PMFBP1: variants seen among roughly 807,000 people sequenced by gnomAD.
PMFBP1 encodes the protein polyamine modulated factor 1 binding protein 1.
A neutral mutation model predicts 137.8 loss-of-function variants in PMFBP1; 131 were observed. That is an observed-to-expected ratio of 0.95 (90% CI 0.82 to 1.10). The LOEUF (loss-of-function observed/expected upper bound fraction) is 1.10. Among genes scored for constraint, PMFBP1 ranks in the 50% least tolerant of loss-of-function variants. The pLI is 0.00. For missense variants in PMFBP1, 1,199 were observed against 1,175.4 expected (o/e 1.02, Z -0.29); for synonymous variants, 490 against 450.4 (o/e 1.09, Z -1.11).
chr16:72,132,552 C>A (rs1191468972), intron 10 of PMFBP1, among the ~76,000 whole-genome samples, 196 bp downstream of exon 10: 1 of 152,054 alleles, frequency 6.6e-6, no homozygotes, highest in African/African-American at 2.4e-5. Flanking sequence ...GGCAGGTGAG[C>A]TTGGGAGTGG....
chr16:72,121,002 T>G (rs189628015), intron 19 of PMFBP1, among the ~76,000 whole-genome samples: 148 of 152,318 alleles, frequency 9.7e-4, no homozygotes, highest in Admixed American at 3.9e-3. Context: ...TAAAAGTTGG[T>G]TTTCTTTCAA....
chr16:72,119,411 T>TTA (rs1391430928), intron 20 of PMFBP1, 57 bp from the exon 21 acceptor site: 1 of 1,613,630 alleles, frequency 6.2e-7, no homozygotes, highest in African/African-American at 1.3e-5. Context: ...AACGAGGTGA[T>TTA]TCCTCAAGGG....
chr16:72,216,248 C>T, the PMFBP1 span, among the ~76,000 whole-genome samples: 220 of 152,232 alleles, frequency 1.4e-3, 1 homozygote, highest in Middle Eastern at 3.4e-3. Flanking sequence ...AGCTGCCCTA[C>T]GACAAGAATC....
At chr16:72,243,254 G>C in the PMFBP1 span, among the ~76,000 whole-genome samples, 1 of 152,152 alleles carries the variant, frequency 6.6e-6, no homozygotes, top group East Asian at 1.9e-4. Context: ...AATAATAATA[G>C]TGATGTTATG....
the PMFBP1 span, among the ~76,000 whole-genome samples, chr16:72,200,787 T>A: frequency 1.1e-4 from 16 of 152,174 alleles, no homozygotes; most frequent in Admixed American, 2.0e-4. Flanking sequence ...TGTAGGTGGG[T>A]GCATTTTAAA....
the PMFBP1 span, chr16:72,224,434 C>T: frequency 3.3e-5 from 5 of 152,360 alleles, no homozygotes; most frequent in East Asian, 5.8e-4. Flanking sequence ...AGCTTCTCAA[C>T]GTTGTCACCT....
Position 72,164,872 on chromosome 16 carries a change from C to T in PMFBP1, c.57G>A (p.Leu19=). 2 of 1,609,430 alleles carry T rather than the reference C, an allele frequency of 1.2e-6. No homozygotes were observed. The highest frequency in any genetic ancestry group is 1.7e-6 in the Non-Finnish European group (2 of 1,176,132). ...DREVSSLNSK[L]LSLQLDIKNL... ...TCTTGATGTCAAGTTGCAGGCTTAA[C>T]AGCTTGCTGTTCAGGCTGCTCACTT... Residue 19 remains leucine (L), a synonymous_variant, in exon 3 of 21, where the codon CTG becomes CTA. Transcript: ENST00000237353.
chr16:72,228,558 G>C, the PMFBP1 span, among the ~76,000 whole-genome samples: 8 of 152,124 alleles, frequency 5.3e-5, no homozygotes, highest in Admixed American at 3.9e-4. Context: ...TGAACTGTGA[G>C]CTCTTACAGG....
At chr16:72,126,179 T>C (rs757020081) in intron 14 of PMFBP1, 47 bp from the exon 15 acceptor site, 2 of 1,593,648 alleles carry the variant, frequency 1.3e-6, no homozygotes, top group African/African-American at 1.3e-5. Flanking sequence ...GTCAGGGTCA[T>C]AGAGGCATTC....
At chr16:72,139,606 C>A (rs1243551520) in intron 6 of PMFBP1, among the ~76,000 whole-genome samples, 1 of 152,178 alleles carries the variant, frequency 6.6e-6, no homozygotes, top group Admixed American at 6.5e-5. Context: ...TGATCTGTCT[C>A]AAGTTCATCA....
intron 9 of PMFBP1, among the ~76,000 whole-genome samples, chr16:72,134,735 C>G (rs975427870): frequency 1.3e-5 from 2 of 152,214 alleles, no homozygotes; most frequent in East Asian, 3.8e-4. Flanking sequence ...TATTCTTCCT[C>G]CAGACCTCTG....
At chr16:72,183,035 C>T in the PMFBP1 span, among the ~76,000 whole-genome samples, 1 of 152,112 alleles carries the variant, frequency 6.6e-6, no homozygotes, top group Middle Eastern at 3.2e-3. Context: ...GCTTTCTCCA[C>T]TCCCCATTTC....
intron 3 of PMFBP1, among the ~76,000 whole-genome samples, chr16:72,160,432 ATTCCT>A (rs2144479468): frequency 6.6e-6 from 1 of 152,292 alleles, no homozygotes; most frequent in Admixed American, 6.5e-5. Flanking sequence ...ACACTTGCCA[ATTCCT>A]TAAGTACTCT....
chr16:72,123,538 A>G lies in PMFBP1; in HGVS notation c.2693+8T>C, dbSNP rs187446370. 1,255 of 1,613,214 alleles carry G rather than the reference A, an allele frequency of 7.8e-4. 3 individuals are homozygous for G. Among genetic ancestry groups the G allele is most frequent in the Middle Eastern group, 6.1e-3 (37 of 6,060 alleles). Reference sequence around the variant, plus strand: ...GGACCCTGCCTCCCTTTTTCCTCCCATACTCACTTCTGCTGTTTTGCCCAT... The same window carrying G: ...GGACCCTGCCTCCCTTTTTCCTCCCGTACTCACTTCTGCTGTTTTGCCCAT... On this transcript the variant is annotated splice_region_variant and intron_variant, in intron 18 of 20. Coordinates refer to ENST00000237353, the MANE Select transcript of PMFBP1 (RefSeq NM_031293.3).
Position 72,119,979 on chromosome 16 carries a change from A to G in PMFBP1, c.2879T>C (p.Leu960Pro), listed in dbSNP as rs201507556. Residue 960 changes from leucine to proline, a missense_variant, in exon 20 of 21, where the codon CTA (leucine) becomes CCA (proline). Leu to Pro is a moderately conservative substitution (Grantham distance 98). Coordinates refer to ENST00000237353, the MANE Select transcript of PMFBP1 (RefSeq NM_031293.3). ...AENTRLCTKA[L>P]GPSRTESTQR... ...TGTGGACTCCGTTCTGCTCGGGCCTAGGGCTTTGGTGCATAGCCTTGTGTT... is the reference window on the plus strand; with the variant it reads ...TGTGGACTCCGTTCTGCTCGGGCCTGGGGCTTTGGTGCATAGCCTTGTGTT... 2 of 1,614,148 alleles carry G rather than the reference A, an allele frequency of 1.2e-6. No individual in the cohort carries two copies. The highest frequency in any genetic ancestry group is 3.3e-5 in the Admixed American group (2 of 60,022).
chr16:72,244,427 C>T, the PMFBP1 span, among the ~76,000 whole-genome samples: 1,037 of 152,288 alleles, frequency 6.8e-3, 9 homozygotes, highest in Non-Finnish European at 7.5e-3. Flanking sequence ...AAAATTGACA[C>T]TAAAGGATAA....
chr16:72,237,039 T>C, the PMFBP1 span, among the ~76,000 whole-genome samples: 2 of 152,158 alleles, frequency 1.3e-5, no homozygotes, highest in East Asian at 3.8e-4. Context: ...CTCCTCTTGA[T>C]CCAGATTTAT....
chr16:72,216,652 A>G, the PMFBP1 span, among the ~76,000 whole-genome samples: 6,449 of 152,336 alleles, frequency 0.042, 198 homozygotes, highest in Non-Finnish European at 0.069. Flanking sequence ...GTTTGTAAAC[A>G]GAAATAAATG....
intron 3 of PMFBP1, among the ~76,000 whole-genome samples, chr16:72,162,888 A>G (rs2043085510): frequency 6.6e-6 from 1 of 152,246 alleles, no homozygotes; most frequent in Non-Finnish European, 1.5e-5. Context: ...AATTATGATA[A>G]TCTTCTTCCT....
Sources: gnomAD v4.1 joint callset for allele counts (sites outside exome capture counted in the v4.1 genomes callset) on GRCh38, gnomAD v4.1.1 for gene constraint, MANE v1.5 for transcripts, NCBI Gene and HGNC (gene_info 2026-07-23, HGNC 2026-07-21) for gene names.